Variants in OR6P1 observed in about 807,000 individuals in gnomAD.
OR6P1 encodes olfactory receptor 6P1.
OR6P1 carries 5 observed loss-of-function variants against 6.6 expected under a neutral mutation model. The observed-to-expected ratio is 0.76, with a 90% CI of 0.40 to 1.60. The LOEUF (loss-of-function observed/expected upper bound fraction) is 1.60. Ranked by LOEUF, OR6P1 falls within the 40% of genes most tolerant of loss-of-function variation. The pLI is 0.02. For missense variants in OR6P1, 451 were observed against 383.0 expected (o/e 1.18, Z -1.48); for synonymous variants, 177 against 149.6 (o/e 1.18, Z -1.33).
At chr1:158,568,020 C>T (rs983966931) in intron 1 of OR6P1, among the ~76,000 whole-genome samples, 5 of 151,982 alleles carry the variant, frequency 3.3e-5, no homozygotes, top group South Asian at 4.2e-4. Context: ...ATCACCTTCA[C>T]GAGTTTCAAG....
chr1:158,564,106 C>T (rs1300411843), intron 2 of OR6P1, among the ~76,000 whole-genome samples: 2 of 152,152 alleles, frequency 1.3e-5, no homozygotes, highest in Admixed American at 6.5e-5. Context: ...CAAGGCAACA[C>T]GGCAGTATGA....
At chr1:158,564,033 T>C (rs931506896) in intron 2 of OR6P1, among the ~76,000 whole-genome samples, 3 of 152,210 alleles carry the variant, frequency 2.0e-5, no homozygotes, top group South Asian at 2.1e-4. Context: ...TACAAGCTTA[T>C]TTCTCAAGGG....
chr1:158,563,336 C>T lies in OR6P1; in HGVS notation c.269G>A (p.Gly90Asp). ...RLLAAFLTQD[G>D]RVSYVGCMTQ... Reference sequence around the variant, plus strand: ...CATGCAACCTACGTAGGAGACTCTACCATCCTGGGTAAGAAAGGCTGCCAA... The same window carrying T: ...CATGCAACCTACGTAGGAGACTCTATCATCCTGGGTAAGAAAGGCTGCCAA... Residue 90 changes from glycine to aspartate, a missense_variant, in exon 3 of 3, where the codon GGT (glycine) becomes GAT (aspartate). Transcript: ENST00000641540. The T allele has an allele frequency of 7.7e-6, 12 of 1,551,504 alleles. No individual in the cohort carries two copies. The highest frequency in any genetic ancestry group is 1.0e-5 in the Non-Finnish European group (12 of 1,146,924).
Position 158,560,838 on chromosome 1 carries a change from TA to T in OR6P1, c.*1812del, listed in dbSNP as rs574179001. The stretch of plus-strand genomic sequence containing the variant: ...CAAAAGACATGCCAAGTTACAAAAG[TA>T]GCTTGAAGCTATTATTTCCCACTAG... On this transcript the variant is annotated 3_prime_UTR_variant, in exon 3 of 3. Coordinates refer to ENST00000641540, the MANE Select transcript of OR6P1 (RefSeq NM_001160325.2). 2.1e-3 allele frequency: 327 copies of T among 152,354 alleles called. 3 individuals carry two copies. Among genetic ancestry groups the T allele is most frequent in the African/African-American group, 7.5e-3 (312 of 41,590 alleles). 9.4% of individuals were successfully genotyped at this position (152,354 alleles called of 1,614,324 possible).
In OR6P1 at chr1:158,561,202, G is replaced by T. The variant is rs1042129571; in HGVS notation, c.*1449C>A. On this transcript the variant is annotated 3_prime_UTR_variant, in exon 3 of 3. Coordinates refer to ENST00000641540, the MANE Select transcript of OR6P1 (RefSeq NM_001160325.2). ...TAAAGCCAGGATCAAATTGAAATTT[G>T]CTCGTTCTAGGGTCTGAATTCTGAA... The T allele has an allele frequency of 6.6e-6, 1 of 152,082 alleles. No individual in the cohort carries two copies. Among genetic ancestry groups the T allele is most frequent in the African/African-American group, 2.4e-5 (1 of 41,402 alleles). The allele number at this position is 152,082 out of a possible 1,614,324, so 9.4% of individuals were successfully genotyped here. A position where few individuals can be genotyped will look rare whatever the true frequency, so the allele number is the denominator to read the frequency against.
At chr1:158,565,674 A>C (rs1045736301) in intron 2 of OR6P1, among the ~76,000 whole-genome samples, 3 of 152,204 alleles carry the variant, frequency 2.0e-5, no homozygotes, top group African/African-American at 7.2e-5. Context: ...AATAATGTAT[A>C]TTATGCTTTT....
chr1:158,564,163 T>G (rs369901294), intron 2 of OR6P1, among the ~76,000 whole-genome samples: 1 of 152,198 alleles, frequency 6.6e-6, no homozygotes, highest in African/African-American at 2.4e-5. Context: ...GACAATTCAA[T>G]ACAAAGGAGA....
chr1:158,569,695 C>T (rs1648192124), intron 1 of OR6P1, among the ~76,000 whole-genome samples: 1 of 152,152 alleles, frequency 6.6e-6, no homozygotes, highest in Non-Finnish European at 1.5e-5. Context: ...CACAACAGCC[C>T]AGTGAGTTTA....
Position 158,565,771 on chromosome 1 carries a change from G to A in OR6P1, c.-23+993C>T, listed in dbSNP as rs545330154. ...TCTATTCTGAATTTTCATTTTGGAG[G>A]TGTAAACACTAAGCAAACTAGTTCA... On this transcript the variant is annotated intron_variant, in intron 2 of 2. Coordinates refer to ENST00000641540, the MANE Select transcript of OR6P1 (RefSeq NM_001160325.2). Among the ~76,000 whole-genome samples, 3 of 152,198 alleles carry A rather than the reference G, an allele frequency of 2.0e-5. No individual in the cohort carries two copies. The East Asian group carries it at 5.8e-4, about 29-fold the overall frequency.
chr1:158,565,216 C>T (rs778785488), intron 2 of OR6P1, among the ~76,000 whole-genome samples: 3 of 151,976 alleles, frequency 2.0e-5, no homozygotes, highest in Non-Finnish European at 4.4e-5. Flanking sequence ...TTTATGTGGC[C>T]ACAGGGAGTC....
At position 158,561,843 on chromosome 1, in the gene OR6P1, T is replaced by A. The variant is rs951135; in HGVS notation, c.*808A>T. On this transcript the variant is annotated 3_prime_UTR_variant, in exon 3 of 3. Transcript: ENST00000641540. ...AGGAACACAATTTAAAATATTTCACTATCGGTATAGCCCTGGCACTAATTA... is the reference window on the plus strand; with the variant it reads ...AGGAACACAATTTAAAATATTTCACAATCGGTATAGCCCTGGCACTAATTA... 0.51 allele frequency: 77,706 copies of A among 152,014 alleles called. 20,260 individuals are homozygous for A. Among genetic ancestry groups the A allele is most frequent in the African/African-American group, 0.62 (25,595 of 41,464 alleles). 9.4% of individuals were successfully genotyped at this position (152,014 alleles called of 1,614,324 possible).
At chr1:158,565,061 T>C (rs553073398) in intron 2 of OR6P1, among the ~76,000 whole-genome samples, 1 of 152,180 alleles carries the variant, frequency 6.6e-6, no homozygotes, top group Non-Finnish European at 1.5e-5. Flanking sequence ...GACATCAAAT[T>C]TTTTATTTTT....
At position 158,562,954 on chromosome 1, in the gene OR6P1, T is replaced by C. The variant is rs1370010287; in HGVS notation, c.651A>G (p.Ser217=). ...GGATGGCTGCAATGATGGCAGTGTA[T>C]GATGAAACCACAGCCAATAGAGGGA... ...ILLPLLAVVS[S]YTAIIAAILR... Residue 217 remains serine (S), a synonymous_variant, in exon 3 of 3, where the codon TCA becomes TCG. Coordinates refer to ENST00000641540, the MANE Select transcript of OR6P1 (RefSeq NM_001160325.2). 1.7e-5 allele frequency: 26 copies of C among 1,551,576 alleles called. No individual in the cohort carries two copies. The highest frequency in any genetic ancestry group is 2.2e-5 in the Non-Finnish European group (25 of 1,147,016).
At position 158,561,214 on chromosome 1, in the gene OR6P1, G is replaced by A. The variant is rs1050467762; in HGVS notation, c.*1437C>T. The A allele has an allele frequency of 3.3e-5, 5 of 152,086 alleles. No homozygotes were observed. The highest frequency in any genetic ancestry group is 1.2e-4 in the African/African-American group (5 of 41,414). The allele number at this position is 152,086 out of a possible 1,614,324, so 9.4% of individuals were successfully genotyped here. The stretch of plus-strand genomic sequence containing the variant: ...CAAATTGAAATTTGCTCGTTCTAGG[G>A]TCTGAATTCTGAACTCCATGTCTCT... On this transcript the variant is annotated 3_prime_UTR_variant, in exon 3 of 3. Coordinates refer to ENST00000641540, the MANE Select transcript of OR6P1 (RefSeq NM_001160325.2).
Position 158,563,108 on chromosome 1 carries a change from A to G in OR6P1, c.497T>C (p.Leu166Ser). 1.9e-6 allele frequency: 3 copies of G among 1,551,760 alleles called. 1 individual carries two copies. The South Asian group carries it at 3.6e-5, about 18-fold the overall frequency. ...GATAATGTTGGGTCCACAGTAGGAC[A>G]ATTGGGAAATAAAAAGAAGCTTCAT... ...SMMKLLFISQ[L>S]SYCGPNIINH... The change falls in exon 3 of 3, where the codon TTG becomes TCG. Residue 166 changes from leucine (L) to serine (S), a missense_variant. Coordinates refer to ENST00000641540, the MANE Select transcript of OR6P1 (RefSeq NM_001160325.2).
In OR6P1 at chr1:158,563,401, G is replaced by T. The variant is rs1434473629; in HGVS notation, c.204C>A (p.Phe68Leu). The change falls in exon 3 of 3, where the codon TTC becomes TTA. Residue 68 changes from phenylalanine to leucine, a missense_variant. Phe to Leu is a conservative substitution (Grantham distance 22). Coordinates refer to ENST00000641540, the MANE Select transcript of OR6P1 (RefSeq NM_001160325.2). ...TGACATTGATGTACCATAGCTCCAG[G>T]AAAGAGAGATGGCCAAGGAAAAAGT... ...PMYFFLGHLSFLELWYINVTI... is the reference protein window; with the variant it reads ...PMYFFLGHLSLLELWYINVTI... 1 of 1,551,412 alleles carries T rather than the reference G, an allele frequency of 6.4e-7. No homozygotes were observed. The highest frequency in any genetic ancestry group is 8.7e-7 in the Non-Finnish European group (1 of 1,146,946).
chr1:158,567,539 C>A (rs1202817012), intron 1 of OR6P1, among the ~76,000 whole-genome samples: 3 of 146,054 alleles, frequency 2.1e-5, no homozygotes, highest in Non-Finnish European at 3.0e-5. Flanking sequence ...TAAACTATCG[C>A]AAGAACAAAA....
intron 2 of OR6P1, among the ~76,000 whole-genome samples, chr1:158,564,697 T>G (rs1648053630): frequency 6.6e-6 from 1 of 152,190 alleles, no homozygotes; most frequent in Non-Finnish European, 1.5e-5. Flanking sequence ...ATACTGATTT[T>G]GGATTTCTGG....
chr1:158,566,218 G>A (rs863347), intron 2 of OR6P1, among the ~76,000 whole-genome samples: 1 of 151,922 alleles, frequency 6.6e-6, no homozygotes, highest in Non-Finnish European at 1.5e-5. Flanking sequence ...TTGAAGATGA[G>A]AGAATCAGTC....
Sources: allele counts gnomAD v4.1 joint callset (sites outside exome capture counted in the v4.1 genomes callset), GRCh38; gene constraint gnomAD v4.1.1; transcripts MANE v1.5; gene names NCBI Gene and HGNC (gene_info 2026-07-23, HGNC 2026-07-21).